Variants in LDB2 observed in about 807,000 individuals in gnomAD.
LDB2 encodes the protein LIM domain-binding protein 2.
A neutral mutation model predicts 44.3 loss-of-function variants in LDB2; 12 were observed. The observed-to-expected ratio is 0.27, with a 90% CI of 0.17 to 0.44. The LOEUF is 0.44. Among genes scored for constraint, LDB2 ranks in the 20% least tolerant of loss-of-function variants. The probability of loss-of-function intolerance (pLI) is 1.00; values close to 1 mark genes in which losing one functional copy is unlikely to be tolerated. For synonymous variants in LDB2, 164 were observed against 174.8 expected (o/e 0.94, Z 0.49); for missense variants, 344 against 473.5 (o/e 0.73, Z 2.54).
rs547777704 is a variant in LDB2 at position 16,507,483 on chromosome 4, C to T, written c.891+1052G>A. Among the ~76,000 whole-genome samples the T allele has an allele frequency of 4.6e-5, 7 of 151,830 alleles. No individual in the cohort carries two copies. In the East Asian group the frequency reaches 1.2e-3, roughly 25 times the overall value. On this transcript the variant is annotated intron_variant, in intron 7 of 7. Transcript: ENST00000304523. ...GCGAAGGTCCACTCGCACATGGAAG[C>T]GATGGAGCAGGATCAGAACAATAAG...
At chr4:16,796,992 C>T (rs955237904) in intron 1 of LDB2, among the ~76,000 whole-genome samples, 1 of 152,120 alleles carries the variant, frequency 6.6e-6, no homozygotes, top group Non-Finnish European at 1.5e-5. Flanking sequence ...CCAAATGCAA[C>T]GTGGTATTGT....
At chr4:16,754,518 T>C (rs913477079) in intron 2 of LDB2, among the ~76,000 whole-genome samples, 5 of 151,632 alleles carry the variant, frequency 3.3e-5, no homozygotes, top group African/African-American at 7.3e-5. Context: ...AAGCCAGTGA[T>C]GGCAGTATTT....
intron 1 of LDB2, among the ~76,000 whole-genome samples, chr4:16,875,520 A>G (rs892128739): frequency 6.6e-6 from 1 of 152,224 alleles, no homozygotes; most frequent in African/African-American, 2.4e-5. Context: ...ATTTTTAAAA[A>G]TCAACTGCAT....
intron 2 of LDB2, among the ~76,000 whole-genome samples, chr4:16,681,676 G>T (rs886137791): frequency 2.2e-5 from 3 of 135,688 alleles, no homozygotes; most frequent in African/African-American, 8.3e-5. Context: ...ACCCAGGCTG[G>T]AGTGCAGTGA....
intron 2 of LDB2, 27 bp from the exon 3 acceptor site, chr4:16,595,902 C>A: frequency 6.2e-7 from 1 of 1,607,646 alleles, no homozygotes; most frequent in Non-Finnish European, 8.5e-7. Context: ...GAGAAACAAA[C>A]CATTAACAAA....
At chr4:16,630,739 G>A (rs1171655951) in intron 2 of LDB2, among the ~76,000 whole-genome samples, 1 of 152,148 alleles carries the variant, frequency 6.6e-6, no homozygotes. Context: ...AGGGATGGAG[G>A]AAGATCTACC....
At chr4:16,721,944 A>G (rs911801395) in intron 2 of LDB2, among the ~76,000 whole-genome samples, 4 of 152,206 alleles carry the variant, frequency 2.6e-5, no homozygotes, top group African/African-American at 9.6e-5. Context: ...AAAGTTTCAA[A>G]TTCATTTTCA....
chr4:16,503,956 C>A (rs549009265), intron 7 of LDB2, among the ~76,000 whole-genome samples: 8 of 152,222 alleles, frequency 5.3e-5, no homozygotes, highest in Middle Eastern at 3.4e-3. Context: ...TGATGAGGGA[C>A]CTTGGCATGG....
At chr4:16,748,485 C>G (rs919079145) in intron 2 of LDB2, among the ~76,000 whole-genome samples, 1 of 152,144 alleles carries the variant, frequency 6.6e-6, no homozygotes, top group Non-Finnish European at 1.5e-5. Flanking sequence ...TGTCATGGAG[C>G]CTCTACATTC....
chr4:16,770,354 C>G (rs1043874598), intron 1 of LDB2, among the ~76,000 whole-genome samples: 2 of 152,130 alleles, frequency 1.3e-5, no homozygotes, highest in African/African-American at 4.8e-5. Context: ...TCTCAAAACC[C>G]AGAAGAAAAC....
At chr4:16,610,773 C>T (rs370723736) in intron 2 of LDB2, among the ~76,000 whole-genome samples, 81 of 152,176 alleles carry the variant, frequency 5.3e-4, no homozygotes, top group African/African-American at 1.9e-3. Flanking sequence ...AGAATGGAAA[C>T]AAGCTGGAAA....
intron 2 of LDB2, among the ~76,000 whole-genome samples, chr4:16,708,614 A>G (rs1755148218): frequency 6.6e-6 from 1 of 152,154 alleles, no homozygotes; most frequent in African/African-American, 2.4e-5. Flanking sequence ...TACAAACTAG[A>G]CTGTTAATAT....
chr4:16,577,361 TAAAC>T (rs1163678382), intron 5 of LDB2, among the ~76,000 whole-genome samples: 3 of 152,096 alleles, frequency 2.0e-5, no homozygotes, highest in African/African-American at 4.8e-5. Context: ...TTAGAACTGA[TAAAC>T]AAATTCAGTA....
chr4:16,585,583 G>T (rs1216459261), intron 5 of LDB2, among the ~76,000 whole-genome samples: 1 of 152,150 alleles, frequency 6.6e-6, no homozygotes, highest in East Asian at 1.9e-4. Flanking sequence ...AGGCACTGGG[G>T]TAATGAACTC....
chr4:16,782,173 C>T (rs751410866), intron 1 of LDB2, among the ~76,000 whole-genome samples: 3 of 152,126 alleles, frequency 2.0e-5, no homozygotes, highest in African/African-American at 4.8e-5. Context: ...GCTAAGCCTT[C>T]GTACCATGAC....
Position 16,706,649 on chromosome 4 carries a change from G to A in LDB2, c.235+52509C>T, listed in dbSNP as rs538393143. Among the ~76,000 whole-genome samples, 4 of 152,304 alleles carry A rather than the reference G, an allele frequency of 2.6e-5. No homozygotes were observed. In the South Asian group the frequency reaches 8.3e-4, roughly 32 times the overall value. On this transcript the variant is annotated intron_variant, in intron 2 of 7. Coordinates refer to ENST00000304523, the MANE Select transcript of LDB2 (RefSeq NM_001290.5). ...ACATCAGAAGTTTAGTGTGTTAAGT[G>A]TTTGCATTGATAGAAACAGAGTTCT... is the stretch of plus-strand genomic sequence containing the variant.
intron 2 of LDB2, among the ~76,000 whole-genome samples, chr4:16,661,740 T>A (rs971363317): frequency 9.2e-5 from 14 of 152,140 alleles, no homozygotes; most frequent in African/African-American, 3.4e-4. Context: ...TTTGAATGAC[T>A]GAATGAATTG....
At chr4:16,777,019 AG>A (rs1772072316) in intron 1 of LDB2, among the ~76,000 whole-genome samples, 1 of 152,156 alleles carries the variant, frequency 6.6e-6, no homozygotes, top group Non-Finnish European at 1.5e-5. Context: ...AGACATTGCC[AG>A]ATGTCCTTGG....
At chr4:16,548,175 T>C (rs1736427049) in intron 5 of LDB2, among the ~76,000 whole-genome samples, 1 of 152,126 alleles carries the variant, frequency 6.6e-6, no homozygotes, top group Non-Finnish European at 1.5e-5. Context: ...GTCCTTGTCC[T>C]CATCTGGGGA....
Sources: allele counts gnomAD v4.1 joint callset (sites outside exome capture counted in the v4.1 genomes callset), GRCh38; gene constraint gnomAD v4.1.1; transcripts MANE v1.5; gene names NCBI Gene and HGNC (gene_info 2026-07-23, HGNC 2026-07-21).